The following KLK12 variants were observed in gnomAD, a reference collection of about 807,000 sequenced individuals.
KLK12 encodes the protein kallikrein related peptidase 12.
A neutral mutation model predicts 20.0 loss-of-function variants in KLK12; 23 were observed. The ratio of observed to expected loss-of-function variants is 1.15; its 90% CI spans 0.83 to 1.63. The LOEUF is 1.63. KLK12 is among the 40% of genes most tolerant of loss of function. The pLI, the probability that KLK12 is intolerant of heterozygous loss-of-function variation, is 0.00. For missense variants in KLK12, 351 were observed against 338.6 expected (o/e 1.04, Z -0.29); for synonymous variants, 147 against 141.9 (o/e 1.04, Z -0.25).
rs771249475 is a variant in KLK12 at position 51,033,978 on chromosome 19, A to T, written c.197+2T>A. ...CTTCGCCCACCCCAGGAAGGGACTT[A>T]CCTGCCGCTGCAGTGAGCCGCTGTG... On this transcript the variant is annotated splice_donor_variant, in intron 3 of 5. Transcript: ENST00000684732. LOFTEE classifies it high-confidence loss of function. 2.5e-6 allele frequency: 4 copies of T among 1,607,632 alleles called. No individual in the cohort carries two copies. In the East Asian group the frequency reaches 9.0e-5, roughly 36 times the overall value.
intron 4 of KLK12, among the ~76,000 whole-genome samples, chr19:51,031,294 C>A (rs1476634681): frequency 6.6e-6 from 1 of 152,008 alleles, no homozygotes; most frequent in Non-Finnish European, 1.5e-5. Context: ...TCTCCTGACC[C>A]CATGTCCCTG....
At position 51,029,433 on chromosome 19, in the gene KLK12, A is replaced by C. The variant is rs1217478877; in HGVS notation, c.616T>G (p.Cys206Gly). 1 of 1,612,550 alleles carries C rather than the reference A, an allele frequency of 6.2e-7. No homozygotes were observed. The highest frequency in any genetic ancestry group is 8.5e-7 in the Non-Finnish European group (1 of 1,178,566). Reference protein sequence around the residue: ...CQGDSGGPLVCGGVLQGLVSW... With the variant: ...CQGDSGGPLVGGGVLQGLVSW... ...ACCAGACCTTGAAGGACTCCCCCACACACCAGGGGGCCCCCAGAATCACCC... is the reference window on the plus strand; with the variant it reads ...ACCAGACCTTGAAGGACTCCCCCACCCACCAGGGGGCCCCCAGAATCACCC... Residue 206 changes from cysteine to glycine, a missense_variant, in exon 6 of 6, where the codon TGT (cysteine) becomes GGT (glycine). Cys to Gly is a radical substitution (Grantham distance 159). Coordinates refer to ENST00000684732, the MANE Select transcript of KLK12 (RefSeq NM_001370125.1).
At chr19:51,034,747 T>G (rs1404759655) in intron 1 of KLK12, 59 bp downstream of exon 1, 9 of 1,535,882 alleles carry the variant, frequency 5.9e-6, no homozygotes, top group Non-Finnish European at 1.8e-6. Flanking sequence ...GCTTGTCCTC[T>G]CTCTACCTGC....
chr19:51,034,146 A>G lies in KLK12; in HGVS notation c.38-7T>C. 6.4e-7 allele frequency: 1 copy of G among 1,551,826 alleles called. No individual in the cohort carries two copies. Among genetic ancestry groups the G allele is most frequent in the Non-Finnish European group, 8.7e-7 (1 of 1,147,080 alleles). ...GTGGCTGCCTGGCTGAGCCCTGGAG[A>G]CAGACAGGGGCATGGGTCAGAGAGA... On this transcript the variant is annotated splice_polypyrimidine_tract_variant and splice_region_variant and intron_variant, in intron 2 of 5. Coordinates refer to ENST00000684732, the MANE Select transcript of KLK12 (RefSeq NM_001370125.1).
Position 51,031,945 on chromosome 19 carries a change from G to T in KLK12, c.388C>A (p.Pro130Thr), listed in dbSNP as rs776118702. The T allele has an allele frequency of 6.2e-7, 1 of 1,613,374 alleles. No individual in the cohort carries two copies. Among genetic ancestry groups the T allele is most frequent in the Non-Finnish European group, 8.5e-7 (1 of 1,179,662 alleles). The change falls in exon 4 of 6, where the codon CCC becomes ACC. Residue 130 changes from proline (P) to threonine (T), a missense_variant. By Grantham distance (38) the Pro-to-Thr change is conservative. Coordinates refer to ENST00000684732, the MANE Select transcript of KLK12 (RefSeq NM_001370125.1). ...GTGCCAGCGGTTGCACAGTCATTGG[G>T]CAGGGGCAGGGGTTGAACGCTGCTG... ...VTSSVQPLPL[P>T]NDCATAGTEC...
rs1211378394 is a variant in KLK12, at chr19:51,032,094, A to G, written c.239T>C (p.Leu80Pro). The G allele has an allele frequency of 1.2e-6, 2 of 1,604,462 alleles. No homozygotes were observed. The highest frequency in any genetic ancestry group is 4.5e-5 in the East Asian group (2 of 44,532). ...VRLGEHSLSQ[L>P]DWTEQIRHSG... ...GTGCCGGATCTGCTCGGTCCAGTCG[A>G]GCTGGCTGAGGCTGTGTTCCCCCAG... Residue 80 changes from leucine (L) to proline (P), a missense_variant, in exon 4 of 6, where the codon CTC becomes CCC. Transcript: ENST00000684732.
In KLK12 at chr19:51,029,278, G is replaced by A; in HGVS notation, c.*24C>T. On this transcript the variant is annotated 3_prime_UTR_variant, in exon 6 of 6. Transcript: ENST00000684732. Reference sequence around the variant, plus strand: ...CAGAGGGGTACCCAAGTTAAGGGGTGGGGGTGGAGGTGGAGGAAACAGGTC... The same window carrying A: ...CAGAGGGGTACCCAAGTTAAGGGGTAGGGGTGGAGGTGGAGGAAACAGGTC... The A allele has an allele frequency of 6.2e-7, 1 of 1,614,004 alleles. No individual in the cohort carries two copies. Among genetic ancestry groups the A allele is most frequent in the Middle Eastern group, 1.6e-4 (1 of 6,062 alleles).
Position 51,029,267 on chromosome 19 carries a change from A to C in KLK12, c.*35T>G. ...GCTCTGAGGGCCAGAGGGGTACCCA[A>C]GTTAAGGGGTGGGGGTGGAGGTGGA... On this transcript the variant is annotated 3_prime_UTR_variant, in exon 6 of 6. Coordinates refer to ENST00000684732, the MANE Select transcript of KLK12 (RefSeq NM_001370125.1). 4 of 1,573,306 alleles carry C rather than the reference A, an allele frequency of 2.5e-6. No homozygotes were observed. Among genetic ancestry groups the C allele is most frequent in the South Asian group, 1.1e-5 (1 of 90,296 alleles).
intron 5 of KLK12, 61 bp from the exon 6 acceptor site, chr19:51,029,518 C>A: frequency 1.5e-6 from 2 of 1,353,760 alleles, no homozygotes; most frequent in Non-Finnish European, 1.1e-6. Context: ...TTTTCCTCCC[C>A]AACCCTTCAA....
At chr19:51,032,249 T>A in intron 3 of KLK12, 114 bp from the exon 4 acceptor site, 2 of 1,192,234 alleles carry the variant, frequency 1.7e-6, no homozygotes, top group South Asian at 2.6e-5. Flanking sequence ...TCACTGTCTG[T>A]CCTCTCACCC....
intron 5 of KLK12, chr19:51,030,208 T>A (rs2091541302): frequency 7.1e-6 from 1 of 141,518 alleles, no homozygotes; most frequent in South Asian, 2.5e-4. Flanking sequence ...GCCCCATCTT[T>A]CCTTCTCTGT....
At chr19:51,032,307 T>G (rs2091567787) in intron 3 of KLK12, among the ~76,000 whole-genome samples, 172 bp from the exon 4 acceptor site, 1 of 148,982 alleles carries the variant, frequency 6.7e-6, no homozygotes, top group South Asian at 2.1e-4. Context: ...ATTCCCAACC[T>G]CCATCACCCT....
rs1184884600 is a variant in KLK12, at chr19:51,034,586, A to G, written c.36T>C (p.Leu12=). The change falls in exon 2 of 6, where the codon CTT becomes CTC. Residue 12 remains leucine, a splice_region_variant and synonymous_variant. Coordinates refer to ENST00000684732, the MANE Select transcript of KLK12 (RefSeq NM_001370125.1). The part of the protein sequence containing the change: ...GLSIFLLLCV[L]GLSQAATPKI... ...TCTCCCTGCTCCGGGAGAACTCACC[A>G]AGAACACACAGGAGCAAAAAGATGC... 1.2e-6 allele frequency: 2 copies of G among 1,611,452 alleles called. No individual in the cohort carries two copies. The highest frequency in any genetic ancestry group is 1.7e-6 in the Non-Finnish European group (2 of 1,178,906).
At position 51,029,225 on chromosome 19, in the gene KLK12, A is replaced by G; in HGVS notation, c.*77T>C. On this transcript the variant is annotated 3_prime_UTR_variant, in exon 6 of 6. Transcript: ENST00000684732. The stretch of plus-strand genomic sequence containing the variant: ...AACAAGAGTGGAGCTAGGGGAAGTG[A>G]TGGAGGAGATATTGGTGCTCTGAGG... 1.2e-6 allele frequency: 2 copies of G among 1,612,410 alleles called. No individual in the cohort carries two copies. Among genetic ancestry groups the G allele is most frequent in the Non-Finnish European group, 1.7e-6 (2 of 1,179,062 alleles).
intron 3 of KLK12, among the ~76,000 whole-genome samples, chr19:51,032,782 T>C (rs1039427639): frequency 1.3e-5 from 2 of 152,108 alleles, no homozygotes; most frequent in Non-Finnish European, 1.5e-5. Context: ...GCACGGAGCA[T>C]GTGCCCTCCA....
intron 3 of KLK12, among the ~76,000 whole-genome samples, chr19:51,032,807 C>T (rs566650287): frequency 5.3e-5 from 8 of 152,238 alleles, no homozygotes; most frequent in South Asian, 2.1e-4. Flanking sequence ...CATGCGTGGA[C>T]GAGTGGGTTC....
intron 1 of KLK12, 58 bp downstream of exon 1, chr19:51,034,748 C>T: frequency 1.3e-6 from 2 of 1,534,074 alleles, no homozygotes; most frequent in South Asian, 1.2e-5. Context: ...CTTGTCCTCT[C>T]TCTACCTGCT....
chr19:51,029,579 A>C, intron 5 of KLK12, 122 bp from the exon 6 acceptor site: 2 of 783,154 alleles, frequency 2.6e-6, no homozygotes, highest in Non-Finnish European at 4.4e-6. Flanking sequence ...TAGACAAAAG[A>C]GTATAATCAC....
chr19:51,034,590 A>T lies in KLK12; in HGVS notation c.32T>A (p.Val11Asp). 1 of 1,611,682 alleles carries T rather than the reference A, an allele frequency of 6.2e-7. No individual in the cohort carries two copies. Among genetic ancestry groups the T allele is most frequent in the Non-Finnish European group, 8.5e-7 (1 of 1,179,026 alleles). The change falls in exon 2 of 6, where the codon GTT (valine) becomes GAT (aspartate). Residue 11 changes from valine (V) to aspartate (D), a missense_variant. Physicochemically the swap from Val to Asp is radical, Grantham distance 152 (BLOSUM62 -3). Transcript: ENST00000684732. MGLSIFLLLC[V>D]LGLSQAATPK... ...CCTGCTCCGGGAGAACTCACCAAGA[A>T]CACACAGGAGCAAAAAGATGCTGAG...
Sources: gnomAD v4.1 joint callset for allele counts (sites outside exome capture counted in the v4.1 genomes callset) on GRCh38, gnomAD v4.1.1 for gene constraint, MANE v1.5 for transcripts, NCBI Gene and HGNC (gene_info 2026-07-23, HGNC 2026-07-21) for gene names.